The following GRM5 variants were observed in gnomAD, a reference collection of about 807,000 sequenced individuals.
The protein encoded by GRM5 is metabotropic glutamate receptor 5.
GRM5 carries 19 observed loss-of-function variants against 83.1 expected under a neutral mutation model. That is an observed-to-expected ratio of 0.23 (90% CI 0.16 to 0.34). The LOEUF (loss-of-function observed/expected upper bound fraction) is 0.34, where lower values mean the gene tolerates loss of function less well. Ranked by LOEUF, GRM5 falls within the 10% of genes least tolerant of loss-of-function variation. GRM5 has a pLI of 1.00. For missense variants in GRM5, 1,160 were observed against 1,588.3 expected, an observed-to-expected ratio of 0.73 and a Z score of 4.58; for synonymous variants, 675 against 633.6, an observed-to-expected ratio of 1.07 and a Z score of -0.98.
intron 4 of GRM5, among the ~76,000 whole-genome samples, chr11:88,612,627 CT>C (rs1185927681): frequency 1.3e-5 from 2 of 148,358 alleles, no homozygotes; most frequent in Non-Finnish European, 3.0e-5. Flanking sequence ...TCTCCAGCAC[CT>C]GTTGTTTCCT....
chr11:88,818,365 C>T (rs1462917567), intron 3 of GRM5, among the ~76,000 whole-genome samples: 3 of 152,004 alleles, frequency 2.0e-5, no homozygotes, highest in African/African-American at 7.2e-5. Flanking sequence ...AAAGTATTAC[C>T]CAACCTGTAT....
intron 9 of GRM5, among the ~76,000 whole-genome samples, chr11:88,518,636 G>A (rs1246117084): frequency 6.6e-6 from 1 of 151,870 alleles, no homozygotes; most frequent in East Asian, 1.9e-4. Flanking sequence ...ATATATGTTG[G>A]CTCCATTATT....
chr11:88,870,420 T>C (rs1245730151), intron 2 of GRM5, among the ~76,000 whole-genome samples: 4 of 146,166 alleles, frequency 2.7e-5, no homozygotes, highest in African/African-American at 1.0e-4. Flanking sequence ...ATTGAGAAGC[T>C]ACTGAAAAAA....
chr11:88,967,378 TG>T (rs1939020827), intron 2 of GRM5, among the ~76,000 whole-genome samples: 1 of 151,114 alleles, frequency 6.6e-6, no homozygotes, highest in South Asian at 2.1e-4. Context: ...TGTATGTTGC[TG>T]TAACAGAAAA....
intron 3 of GRM5, among the ~76,000 whole-genome samples, chr11:88,719,897 T>G (rs1941493716): frequency 6.6e-6 from 1 of 152,140 alleles, no homozygotes; most frequent in Admixed American, 6.6e-5. Context: ...CTTTGCCCAC[T>G]TTTTAATAGG....
At chr11:88,987,157 G>A (rs556991908) in intron 2 of GRM5, among the ~76,000 whole-genome samples, 145 of 152,226 alleles carry the variant, frequency 9.5e-4, no homozygotes, top group Middle Eastern at 3.4e-3. Context: ...TGCGCGCACC[G>A]TGCACAAGCC....
At chr11:88,938,795 A>T (rs527733993) in intron 2 of GRM5, among the ~76,000 whole-genome samples, 2 of 151,716 alleles carry the variant, frequency 1.3e-5, no homozygotes, top group African/African-American at 4.8e-5. Flanking sequence ...ATGTTTTTAC[A>T]TCTATATATC....
At chr11:88,575,091 G>A (rs939103613) in intron 7 of GRM5, among the ~76,000 whole-genome samples, 1 of 148,782 alleles carries the variant, frequency 6.7e-6, no homozygotes, top group African/African-American at 2.5e-5. Flanking sequence ...ACCTTAGCAC[G>A]AAACAAAACA....
At chr11:88,612,618 C>T (rs1938354899) in intron 4 of GRM5, among the ~76,000 whole-genome samples, 1 of 151,998 alleles carries the variant, frequency 6.6e-6, no homozygotes, top group South Asian at 2.1e-4. Context: ...TCCACATCCT[C>T]TCCAGCACCT....
In GRM5 at chr11:88,567,146, T is replaced by C; in HGVS notation, c.2537A>G (p.His846Arg). 6.2e-7 allele frequency: 1 copy of C among 1,614,126 alleles called. No individual in the cohort carries two copies. Among genetic ancestry groups the C allele is most frequent in the Non-Finnish European group, 8.5e-7 (1 of 1,179,986 alleles). ...AFTTSTVVRM[H>R]VGDGKSSSAA... ...GGAGGATGACTTGCCATCCCCTACA[T>C]GCATGCGCACCACGGTAGATGTGGT... Residue 846 changes from histidine to arginine, a missense_variant, in exon 8 of 10, where the codon CAT (histidine) becomes CGT (arginine). His to Arg is a conservative substitution (Grantham distance 29, BLOSUM62 0). This residue lies in a region of GRM5 where 562 missense variants were observed against 532.4 expected (regional missense o/e 1.06). Transcript: ENST00000305447. This position sits in a 1 kb window ranked among gnomAD's most constrained non-coding sequence, Gnocchi z 7.3.
intron 2 of GRM5, among the ~76,000 whole-genome samples, chr11:88,901,101 G>A (rs576523253): frequency 2.6e-5 from 4 of 152,224 alleles, no homozygotes; most frequent in East Asian, 3.9e-4. Flanking sequence ...ATTACCTGAC[G>A]TGGACAGGTA....
intron 3 of GRM5, among the ~76,000 whole-genome samples, chr11:88,770,265 C>T (rs1206825070): frequency 6.6e-6 from 1 of 151,880 alleles, no homozygotes; most frequent in Admixed American, 6.6e-5. Context: ...GATGCGACCC[C>T]AGAACAGAAA....
intron 8 of GRM5, among the ~76,000 whole-genome samples, chr11:88,545,118 A>G (rs1942358961): frequency 6.6e-6 from 1 of 152,162 alleles, no homozygotes; most frequent in Non-Finnish European, 1.5e-5. Context: ...TGCAACTGGA[A>G]CTATTGACTA....
At chr11:88,824,341 G>C (rs1184046342) in intron 3 of GRM5, among the ~76,000 whole-genome samples, 2 of 152,108 alleles carry the variant, frequency 1.3e-5, no homozygotes, top group Non-Finnish European at 2.9e-5. Flanking sequence ...ACCAGAGCTA[G>C]ATTACATGGA....
At chr11:88,633,237 A>G (rs548729247) in intron 4 of GRM5, among the ~76,000 whole-genome samples, 1 of 152,294 alleles carries the variant, frequency 6.6e-6, no homozygotes, top group East Asian at 1.9e-4. Flanking sequence ...TAAAAACTGC[A>G]TTGTTATTAT....
Position 88,854,058 on chromosome 11 carries a change from G to GTATATATATATATA in GRM5, c.662-3917_662-3904dup, listed in dbSNP as rs10525785. Among the ~76,000 whole-genome samples, 556 of 121,162 alleles carry GTATATATATATATA rather than the reference G, an allele frequency of 4.6e-3. 7 individuals carry two copies. Among genetic ancestry groups the GTATATATATATATA allele is most frequent in the South Asian group, 0.013 (50 of 3,990 alleles). 79.5% of individuals were successfully genotyped at this position (121,162 alleles called of 152,430 possible). The stretch of plus-strand genomic sequence containing the variant: ...AGATAAATGAATTAAAAAATGTGGT[G>GTATATATATATATA]TATATATATATATATATATACACAA... On this transcript the variant is annotated intron_variant, in intron 2 of 9. Transcript: ENST00000305447.
intron 8 of GRM5, among the ~76,000 whole-genome samples, chr11:88,562,616 C>T (rs767810484): frequency 1.3e-5 from 2 of 152,020 alleles, no homozygotes; most frequent in Non-Finnish European, 2.9e-5. Flanking sequence ...CTACTTTGTG[C>T]TCCACTTCTT....
intron 1 of GRM5, chr11:89,063,432 C>G (rs1942037780): frequency 6.6e-6 from 1 of 152,320 alleles, no homozygotes; most frequent in African/African-American, 2.4e-5. Flanking sequence ...ATCCTAAATC[C>G]TTCTCTGGCC....
chr11:88,962,999 G>A (rs926452520), intron 2 of GRM5, among the ~76,000 whole-genome samples: 6 of 152,216 alleles, frequency 3.9e-5, no homozygotes, highest in Non-Finnish European at 8.8e-5. Context: ...TGAGGCAGGA[G>A]AATTGTTTGA....
Sources: gnomAD v4.1 joint callset for allele counts (sites outside exome capture counted in the v4.1 genomes callset) on GRCh38, gnomAD v4.1.1 for gene constraint, gnomAD v4.1.1 regional missense constraint, Gnocchi (gnomAD v3.1) non-coding constraint, MANE v1.5 for transcripts, NCBI Gene and HGNC (gene_info 2026-07-23, HGNC 2026-07-21) for gene names.